TNRC6A: variants seen among roughly 807,000 people sequenced by gnomAD.
The protein encoded by TNRC6A is trinucleotide repeat containing adaptor 6A, also known as trinucleotide repeat-containing gene 6A protein.
Under a neutral mutation model 221.2 loss-of-function variants are expected in TNRC6A, and 44 were observed. That is an observed-to-expected ratio of 0.20 (90% CI 0.16 to 0.26). The LOEUF is 0.26. Among genes scored for constraint, TNRC6A ranks in the 10% least tolerant of loss-of-function variants. The probability of loss-of-function intolerance (pLI) is 1.00; values close to 1 mark genes in which losing one functional copy is unlikely to be tolerated. For missense variants in TNRC6A, 2,199 were observed against 2,404.4 expected, an observed-to-expected ratio of 0.91 and a Z score of 1.79; for synonymous variants, 847 against 838.5, an observed-to-expected ratio of 1.01 and a Z score of -0.18.
At chr16:24,704,130 T>C (rs1364941268) in intron 2 of TNRC6A, among the ~76,000 whole-genome samples, 1 of 151,586 alleles carries the variant, frequency 6.6e-6, no homozygotes, top group South Asian at 2.1e-4. Flanking sequence ...AGTCTCCTTC[T>C]GTTGCTCAGG....
chr16:24,624,234 C>T (rs980712851), intron 1 of TNRC6A, among the ~76,000 whole-genome samples: 3 of 152,292 alleles, frequency 2.0e-5, no homozygotes, highest in Non-Finnish European at 4.4e-5. Flanking sequence ...CAAATGTGCA[C>T]GTGGATTCCA....
intron 5 of TNRC6A, among the ~76,000 whole-genome samples, chr16:24,785,596 C>G (rs1413956662): frequency 1.3e-5 from 2 of 152,078 alleles, no homozygotes; most frequent in African/African-American, 4.8e-5. Flanking sequence ...ATTTTTGAGT[C>G]ATATTTTATC....
chr16:24,758,950 C>T (rs887839473), intron 4 of TNRC6A, among the ~76,000 whole-genome samples: 4 of 152,056 alleles, frequency 2.6e-5, no homozygotes, highest in African/African-American at 4.8e-5. Context: ...GAGTTCTTCA[C>T]CCTCCCAGGA....
At chr16:24,818,431 T>G (rs980258933) in intron 20 of TNRC6A, among the ~76,000 whole-genome samples, 162 bp from the exon 21 acceptor site, 2 of 152,184 alleles carry the variant, frequency 1.3e-5, no homozygotes, top group African/African-American at 4.8e-5. Flanking sequence ...CATGCTCTTT[T>G]GAAGGCAAGA....
chr16:24,725,648 A>G (rs2056478448), upstream of TNRC6A, among the ~76,000 whole-genome samples: 1 of 151,762 alleles, frequency 6.6e-6, no homozygotes, highest in Admixed American at 6.6e-5. Context: ...TTAGAGCAAC[A>G]TTCCTATCCT....
At chr16:24,768,731 T>C (rs774655567) in intron 4 of TNRC6A, among the ~76,000 whole-genome samples, 1 of 152,206 alleles carries the variant, frequency 6.6e-6, no homozygotes, top group Non-Finnish European at 1.5e-5. Context: ...TCCAGTCTCT[T>C]AAAGTGACAT....
chr16:24,716,345 G>A (rs999262833), intron 2 of TNRC6A, among the ~76,000 whole-genome samples: 59 of 152,122 alleles, frequency 3.9e-4, no homozygotes, highest in African/African-American at 1.4e-3. Context: ...CATGTTGGCT[G>A]GAAACAGAAA....
At chr16:24,793,408 T>G (rs1284619822) in intron 6 of TNRC6A, 65 bp from the exon 7 acceptor site, 1 of 1,252,376 alleles carries the variant, frequency 8.0e-7, no homozygotes, top group African/African-American at 1.5e-5. Context: ...TTCTTTATTG[T>G]CCCTTATTCC....
At chr16:24,759,938 T>C (rs1401004174) in intron 4 of TNRC6A, among the ~76,000 whole-genome samples, 5 of 152,096 alleles carry the variant, frequency 3.3e-5, no homozygotes, top group Admixed American at 3.3e-4. Flanking sequence ...CAAATTAATT[T>C]TCCTAAAACT....
In TNRC6A at chr16:24,670,955, C is replaced by T. The variant is rs189621201; in HGVS notation, n.402+29946C>T. 5.0e-3 allele frequency: 2,015 copies of T among 405,996 alleles called. 17 individuals carry two copies. Among genetic ancestry groups the T allele is most frequent in the Non-Finnish European group, 6.5e-3 (1,290 of 197,364 alleles). The allele number at this position is 405,996 out of a possible 1,614,324, so 25.1% of individuals were successfully genotyped here. A position where few individuals can be genotyped will look rare whatever the true frequency, so the allele number is the denominator to read the frequency against. Reference sequence around the variant, plus strand: ...ATGCTGACAGGGGGTACCAGCACCCCCAGGCCATCGTAATTAGCATCTGGC... The same window carrying T: ...ATGCTGACAGGGGGTACCAGCACCCTCAGGCCATCGTAATTAGCATCTGGC... On this transcript the variant is annotated intron_variant and non_coding_transcript_variant, in intron 2 of 2. Coordinates refer to the TNRC6A transcript ENST00000566108.
At chr16:24,675,698 C>A (rs1346381489) in intron 2 of TNRC6A, among the ~76,000 whole-genome samples, 202 of 66,338 alleles carry the variant, frequency 3.0e-3, no homozygotes, top group Non-Finnish European at 4.4e-3. Context: ...CTCTCTCTCT[C>A]TCTCTATATA....
intron 20 of TNRC6A, 37 bp downstream of exon 20, chr16:24,816,993 T>G: frequency 6.3e-7 from 1 of 1,593,240 alleles, no homozygotes; most frequent in Non-Finnish European, 8.5e-7. Flanking sequence ...TGAGTGACAC[T>G]TAACACAGTT....
chr16:24,782,965 A>G (rs1297376979), intron 5 of TNRC6A, among the ~76,000 whole-genome samples: 1 of 152,204 alleles, frequency 6.6e-6, no homozygotes, highest in Non-Finnish European at 1.5e-5. Flanking sequence ...ACATTGTAAA[A>G]CATAAATATT....
At chr16:24,731,965 A>G (rs1026972857) in intron 2 of TNRC6A, among the ~76,000 whole-genome samples, 1 of 152,364 alleles carries the variant, frequency 6.6e-6, no homozygotes, top group Middle Eastern at 3.4e-3. Flanking sequence ...CCGTGTTCAC[A>G]GAGGGCATGT....
intron 1 of TNRC6A, among the ~76,000 whole-genome samples, chr16:24,640,206 C>G (rs1901865807): frequency 6.6e-6 from 1 of 151,998 alleles, no homozygotes; most frequent in African/African-American, 2.4e-5. Flanking sequence ...TCAAGACCAG[C>G]CTGAGCAACA....
At chr16:24,768,368 GC>G (rs2057519482) in intron 4 of TNRC6A, among the ~76,000 whole-genome samples, 2 of 146,620 alleles carry the variant, frequency 1.4e-5, no homozygotes, top group Admixed American at 7.1e-5. Context: ...GGGAGGTGGA[GC>G]TTGCAGTGAG....
intron 2 of TNRC6A, among the ~76,000 whole-genome samples, chr16:24,665,286 G>T (rs543747796): frequency 3.9e-5 from 6 of 152,058 alleles, no homozygotes; most frequent in African/African-American, 1.2e-4. Flanking sequence ...TGTTGCCCAG[G>T]CTGGTCTTAA....
intron 5 of TNRC6A, among the ~76,000 whole-genome samples, chr16:24,787,506 C>G (rs936986160): frequency 6.6e-6 from 1 of 152,174 alleles, no homozygotes; most frequent in African/African-American, 2.4e-5. Flanking sequence ...GTTGATGGTG[C>G]TGGTGCAGAT....
rs1376339967 is a variant in TNRC6A at position 24,823,304 on chromosome 16, T to G, written c.5514-128T>G. The G allele has an allele frequency of 8.5e-7, 1 of 1,183,188 alleles. No homozygotes were observed. Among genetic ancestry groups the G allele is most frequent in the Non-Finnish European group, 1.2e-6 (1 of 846,326 alleles). The allele number at this position is 1,183,188 out of a possible 1,614,324, so 73.3% of individuals were successfully genotyped here. ...GTGAAGGGAGGGCACGCAGGTTATG[T>G]GGTGTAGTCTCTCCCTCTGTGCCTT... On this transcript the variant is annotated intron_variant, in intron 24 of 24. Coordinates refer to ENST00000395799, the MANE Select transcript of TNRC6A (RefSeq NM_014494.4). This position sits in a 1 kb window ranked among gnomAD's most constrained non-coding sequence, Gnocchi z 4.3.
Sources: gnomAD v4.1 joint callset for allele counts (sites outside exome capture counted in the v4.1 genomes callset) on GRCh38, gnomAD v4.1.1 for gene constraint, Gnocchi (gnomAD v3.1) non-coding constraint, MANE v1.5 for transcripts, NCBI Gene and HGNC (gene_info 2026-07-23, HGNC 2026-07-21) for gene names.